HOXA3: variants seen among roughly 807,000 people sequenced by gnomAD.
HOXA3 encodes the protein homeobox protein Hox-A3.
Under a neutral mutation model 30.3 loss-of-function variants are expected in HOXA3, and 8 were observed. The ratio of observed to expected loss-of-function variants is 0.26; its 90% CI spans 0.15 to 0.48. The LOEUF is 0.48. Ranked by LOEUF, HOXA3 falls within the 20% of genes least tolerant of loss-of-function variation. The pLI is 0.99. For synonymous variants in HOXA3, 323 were observed against 273.1 expected (o/e 1.18, Z -1.80); for missense variants, 653 against 614.4 (o/e 1.06, Z -0.66).
intron 1 of HOXA3, chr7:27,143,371 C>A: frequency 6.3e-7 from 1 of 1,588,402 alleles, no homozygotes; most frequent in Non-Finnish European, 8.5e-7. Context: ...CGGCGGGCGC[C>A]GCGCTGGCGC....
At chr7:27,116,118 G>A (rs1164983218) in intron 4 of HOXA3, 6 of 152,766 alleles carry the variant, frequency 3.9e-5, no homozygotes, top group African/African-American at 1.4e-4. Flanking sequence ...AAACCGCAGA[G>A]CTTTTCTTTA....
At chr7:27,131,631 C>T (rs1288302975) in intron 2 of HOXA3, among the ~76,000 whole-genome samples, 8 of 152,044 alleles carry the variant, frequency 5.3e-5, no homozygotes, top group Non-Finnish European at 8.8e-5. Flanking sequence ...TTACTAGGTG[C>T]GATTGTGAGA....
intron 1 of HOXA3, chr7:27,141,960 G>T (rs1782585583): frequency 1.2e-6 from 2 of 1,614,228 alleles, no homozygotes; most frequent in Non-Finnish European, 1.7e-6. Flanking sequence ...CAAAGAGCAT[G>T]TGCTATTTCA....
rs373599669 is a variant in HOXA3 at position 27,129,258 on chromosome 7, C to T, written c.-389-2188G>A. Reference sequence around the variant, plus strand: ...AGGAGGGAACGGGTGTGGAGGTGCTCGGGTGGGGGTGGGGATGGAGGTGTG... The same window carrying T: ...AGGAGGGAACGGGTGTGGAGGTGCTTGGGTGGGGGTGGGGATGGAGGTGTG... On this transcript the variant is annotated intron_variant, in intron 2 of 5. Transcript: ENST00000612286. 461 of 1,290,232 alleles carry T rather than the reference C, an allele frequency of 3.6e-4. 4 individuals carry two copies. The Middle Eastern group carries it at 4.3e-3, about 12-fold the overall frequency. The allele number at this position is 1,290,232 out of a possible 1,614,324, so 79.9% of individuals were successfully genotyped here.
At chr7:27,136,747 T>G (rs1785726923) in intron 2 of HOXA3, among the ~76,000 whole-genome samples, 1 of 152,212 alleles carries the variant, frequency 6.6e-6, no homozygotes, top group Admixed American at 6.5e-5. Flanking sequence ...ATATTATTAT[T>G]GAAAAGACTG....
Position 27,108,262 on chromosome 7 carries a change from A to G in HOXA3, c.985T>C (p.Tyr329His). 1 of 1,520,546 alleles carries G rather than the reference A, an allele frequency of 6.6e-7. No homozygotes were observed. The highest frequency in any genetic ancestry group is 8.8e-7 in the Non-Finnish European group (1 of 1,134,472). The allele number at this position is 1,520,546 out of a possible 1,614,324, so 94.2% of individuals were successfully genotyped here. Reference protein sequence around the residue: ...CAPPPPPQKRYTAAGAGAGGT... With the variant: ...CAPPPPPQKRHTAAGAGAGGT... The stretch of plus-strand genomic sequence containing the variant: ...CCTGCGCCCGCCCCTGCCGCCGTGT[A>G]GCGCTTCTGTGGGGGTGGCGGGGGT... The change falls in exon 6 of 6, where the codon TAC (tyrosine) becomes CAC (histidine). Residue 329 changes from tyrosine (Y) to histidine (H), a missense_variant. By Grantham distance (83) the Tyr-to-His change is moderately conservative. Around this residue, in one of 3 missense-constraint regions of HOXA3, gnomAD observed 330 missense variants for 274.4 expected, o/e 1.20. Transcript: ENST00000612286. This position sits in a 1 kb window ranked among gnomAD's most constrained non-coding sequence, Gnocchi z 5.0.
At position 27,108,523 on chromosome 7, in the gene HOXA3, G is replaced by A; in HGVS notation, c.724C>T (p.Arg242Cys). 1 of 1,614,124 alleles carries A rather than the reference G, an allele frequency of 6.2e-7. No homozygotes were observed. The highest frequency in any genetic ancestry group is 8.5e-7 in the Non-Finnish European group (1 of 1,180,002). Residue 242 changes from arginine (R) to cysteine (C), a missense_variant, in exon 6 of 6, where the codon CGC (arginine) becomes TGC (cysteine). Arg to Cys is a radical substitution (Grantham distance 180). Around this residue, in one of 3 missense-constraint regions of HOXA3, gnomAD observed 3 missense variants for 18.1 expected, o/e 0.17. Transcript: ENST00000612286. This position sits in a 1 kb window ranked among gnomAD's most constrained non-coding sequence, Gnocchi z 5.0. ...ERQIKIWFQN[R>C]RMKYKKDQKG... is the part of the protein sequence containing the mutation. ...TGATCCTTTTTGTACTTCATGCGGCGATTCTGGAACCAGATCTTGATCTGG... is the reference window on the plus strand; with the variant it reads ...TGATCCTTTTTGTACTTCATGCGGCAATTCTGGAACCAGATCTTGATCTGG...
chr7:27,144,394 G>A (rs1782682327), intron 1 of HOXA3, among the ~76,000 whole-genome samples: 1 of 152,222 alleles, frequency 6.6e-6, no homozygotes, highest in Non-Finnish European at 1.5e-5. Context: ...TAGCTTTTGT[G>A]TAGTGTTTCT....
intron 2 of HOXA3, chr7:27,130,473 G>A (rs1159261714): frequency 4.8e-6 from 6 of 1,256,944 alleles, no homozygotes; most frequent in East Asian, 3.4e-5. Flanking sequence ...GGTACAGCGC[G>A]GCAGCAGGGT....
rs1195359294 is a variant in HOXA3 at position 27,110,221 on chromosome 7, C to T, written c.420G>A (p.Ala140=). ...NASNNPTPAN[A]AKSPLLNSPT... is the part of the protein sequence containing the mutation. The stretch of plus-strand genomic sequence containing the variant: ...GTGAGTTGAGCAGGGGGCTCTTGGC[C>T]GCGTTGGCAGGGGTAGGGTTGTTGC... The change falls in exon 5 of 6, where the codon GCG becomes GCA. Residue 140 remains alanine, a synonymous_variant. Transcript: ENST00000612286. 4.3e-6 allele frequency: 7 copies of T among 1,611,386 alleles called. No individual in the cohort carries two copies. The highest frequency in any genetic ancestry group is 1.7e-5 in the Admixed American group (1 of 59,820).
At chr7:27,111,063 G>A (rs1784346993) in intron 4 of HOXA3, among the ~76,000 whole-genome samples, 1 of 152,122 alleles carries the variant, frequency 6.6e-6, no homozygotes, top group African/African-American at 2.4e-5. Context: ...AGGCTAGAAA[G>A]GAAAAAGGCT....
At chr7:27,138,914 T>C (rs1785800116) in intron 2 of HOXA3, among the ~76,000 whole-genome samples, 1 of 152,326 alleles carries the variant, frequency 6.6e-6, no homozygotes, top group African/African-American at 2.4e-5. Context: ...CTAATGGCTC[T>C]GGGGACTTTT....
intron 2 of HOXA3, among the ~76,000 whole-genome samples, chr7:27,131,008 C>T (rs974738616): frequency 1.3e-5 from 2 of 152,126 alleles, no homozygotes; most frequent in African/African-American, 4.8e-5. Context: ...GATCAGGAAA[C>T]GCGCGGGTGC....
chr7:27,110,053 G>A, intron 5 of HOXA3, 62 bp downstream of exon 5: 1 of 1,592,470 alleles, frequency 6.3e-7, no homozygotes, highest in Non-Finnish European at 8.6e-7. Flanking sequence ...GGATGTCGTG[G>A]GCAGTAGCTT....
Position 27,107,760 on chromosome 7 carries a change from G to T in HOXA3, c.*155C>A, listed in dbSNP as rs572221578. The T allele has an allele frequency of 3.3e-5, 18 of 539,202 alleles. 1 individual carries two copies. The highest frequency in any genetic ancestry group is 2.9e-4 in the African/African-American group (15 of 51,870). 33.4% of individuals were successfully genotyped at this position (539,202 alleles called of 1,614,324 possible). On this transcript the variant is annotated 3_prime_UTR_variant, in exon 6 of 6. Transcript: ENST00000612286. Reference sequence around the variant, plus strand: ...AACTATAAAAACGCCTTACCAACGAGGGGGGAAACCGGGAAACGGAGTGCG... The same window carrying T: ...AACTATAAAAACGCCTTACCAACGATGGGGGAAACCGGGAAACGGAGTGCG...
chr7:27,107,824 G>T lies in HOXA3; in HGVS notation c.*91C>A. The T allele has an allele frequency of 1.2e-6, 1 of 848,076 alleles. No homozygotes were observed. The highest frequency in any genetic ancestry group is 2.2e-5 in the South Asian group (1 of 45,326). The allele number at this position is 848,076 out of a possible 1,614,324, so 52.5% of individuals were successfully genotyped here. A position where few individuals can be genotyped will look rare whatever the true frequency, so the allele number is the denominator to read the frequency against. On this transcript the variant is annotated 3_prime_UTR_variant, in exon 6 of 6. Transcript: ENST00000612286. ...AGAAAAGGAAGGAAGGAAAGGGCAG[G>T]AAGAACCTAAAAAAAAAAAAAAAAA... is the stretch of plus-strand genomic sequence containing the variant.
intron 2 of HOXA3, among the ~76,000 whole-genome samples, chr7:27,136,650 C>A (rs908485423): frequency 6.6e-6 from 1 of 152,288 alleles, no homozygotes; most frequent in South Asian, 2.1e-4. Flanking sequence ...ACTGCGCGGG[C>A]GTCATTTGTT....
intron 1 of HOXA3, chr7:27,143,314 G>A (rs1456989170): frequency 1.3e-6 from 2 of 1,599,258 alleles, no homozygotes; most frequent in East Asian, 4.5e-5. Context: ...GCAGCGGATC[G>A]GGCTGAGGAG....
rs1208367010 is a variant in HOXA3, at chr7:27,126,879, A to AATTTACCTT, written c.-207_-205+6dup. On this transcript the variant is annotated splice_region_variant and intron_variant, in intron 3 of 5. Transcript: ENST00000612286. ...TTTTCCCACAAAGGAGAAATATAAG[A>AATTTACCTT]ATTTACCTTAAATGATGATAGTCTG... 6.6e-6 allele frequency: 1 copy of AATTTACCTT among 152,044 alleles called. No homozygotes were observed. Among genetic ancestry groups the AATTTACCTT allele is most frequent in the Non-Finnish European group, 1.5e-5 (1 of 68,016 alleles). The allele number at this position is 152,044 out of a possible 1,614,324, so 9.4% of individuals were successfully genotyped here. A position where few individuals can be genotyped will look rare whatever the true frequency, so the allele number is the denominator to read the frequency against.
Sources: gnomAD v4.1 joint callset for allele counts (sites outside exome capture counted in the v4.1 genomes callset) on GRCh38, gnomAD v4.1.1 for gene constraint, gnomAD v4.1.1 regional missense constraint, Gnocchi (gnomAD v3.1) non-coding constraint, MANE v1.5 for transcripts, NCBI Gene and HGNC (gene_info 2026-07-23, HGNC 2026-07-21) for gene names.